The following KIF1A variants were observed in gnomAD, a reference collection of about 807,000 sequenced individuals.
KIF1A encodes the protein kinesin-like protein KIF1A.
Under a neutral mutation model 227.3 loss-of-function variants are expected in KIF1A, and 46 were observed. The observed-to-expected ratio is 0.20, with a 90% CI of 0.16 to 0.26. The LOEUF is 0.26. Among genes scored for constraint, KIF1A ranks in the 10% least tolerant of loss-of-function variants. The pLI is 1.00. For synonymous variants in KIF1A, 1,022 were observed against 1,012.8 expected, an observed-to-expected ratio of 1.01 and a Z score of -0.17; for missense variants, 1,683 against 2,485.9, an observed-to-expected ratio of 0.68 and a Z score of 6.87.
intron 20 of KIF1A, among the ~76,000 whole-genome samples, chr2:240,764,790 T>C (rs11690229): frequency 0.26 from 38,955 of 151,898 alleles, 5,461 homozygotes; most frequent in African/African-American, 0.36. Flanking sequence ...CCCCCAACGG[T>C]GGGGTGGGCC....
At chr2:240,735,832 C>T (rs371304856) in intron 38 of KIF1A, among the ~76,000 whole-genome samples, 79 of 152,254 alleles carry the variant, frequency 5.2e-4, no homozygotes, top group African/African-American at 9.4e-4. Context: ...CGTGCTCCCC[C>T]CTCATGGCAC....
chr2:240,789,196 C>T lies in KIF1A; in HGVS notation c.183+40G>A, dbSNP rs891223448. Reference sequence around the variant, plus strand: ...CCCCGAGGGCCACATGGCCTATGCACTGCTGCCCCCGCCTCCCCCGACCCG... The same window carrying T: ...CCCCGAGGGCCACATGGCCTATGCATTGCTGCCCCCGCCTCCCCCGACCCG... On this transcript the variant is annotated intron_variant, in intron 3 of 48. Transcript: ENST00000498729. The surrounding 1 kb of genome is among the most constrained non-coding windows in gnomAD (Gnocchi z 4.8). 1.3e-6 allele frequency: 2 copies of T among 1,545,732 alleles called. No individual in the cohort carries two copies. The highest frequency in any genetic ancestry group is 2.7e-5 in the African/African-American group (2 of 73,370).
In KIF1A at chr2:240,740,023, C is replaced by T. The variant is rs1280510913; in HGVS notation, c.3901+35G>A. ...CCTGTACTCTTCCCACCAGCTCAGC[C>T]CCACCCACCAAGGCAGCCCCCACAC... is the stretch of plus-strand genomic sequence containing the variant. On this transcript the variant is annotated intron_variant, in intron 37 of 48. Coordinates refer to ENST00000498729, the MANE Select transcript of KIF1A (RefSeq NM_001244008.2). The surrounding 1 kb of genome is among the most constrained non-coding windows in gnomAD (Gnocchi z 6.1). The T allele has an allele frequency of 2.0e-6, 3 of 1,531,604 alleles. No individual in the cohort carries two copies. The highest frequency in any genetic ancestry group is 2.8e-5 in the African/African-American group (2 of 72,542). 94.9% of individuals were successfully genotyped at this position (1,531,604 alleles called of 1,614,324 possible).
At position 240,737,120 on chromosome 2, in the gene KIF1A, T is replaced by C. The variant is rs374267267; in HGVS notation, c.3950A>G (p.Asn1317Ser). ...PETDESLIDP[N>S]ILSLNILSSG... ...AGAGAGGATGTTGAGAGACAAGATG[T>C]TGGGGTCGATCAGGGACTCGTCGGT... Residue 1317 changes from asparagine (N) to serine (S), a missense_variant, in exon 38 of 49, where the codon AAC becomes AGC. Asn to Ser is a conservative substitution (Grantham distance 46). Around this residue, in one of 12 missense-constraint regions of KIF1A, gnomAD observed 759 missense variants for 1,020.2 expected, o/e 0.74. Coordinates refer to ENST00000498729, the MANE Select transcript of KIF1A (RefSeq NM_001244008.2). 26 of 1,613,390 alleles carry C rather than the reference T, an allele frequency of 1.6e-5. No individual in the cohort carries two copies. Among genetic ancestry groups the C allele is most frequent in the Non-Finnish European group, 2.0e-5 (24 of 1,179,652 alleles).
intron 27 of KIF1A, among the ~76,000 whole-genome samples, chr2:240,756,713 C>T (rs897931872): frequency 2.6e-5 from 4 of 152,250 alleles, no homozygotes; most frequent in Admixed American, 2.6e-4. Flanking sequence ...CTGCCTCCCA[C>T]TCCTAAAAGT....
At chr2:240,771,742 GC>G (rs1372377390) in intron 14 of KIF1A, among the ~76,000 whole-genome samples, 1 of 152,150 alleles carries the variant, frequency 6.6e-6, no homozygotes, top group East Asian at 1.9e-4. Context: ...ATGGAAATTG[GC>G]CCAGAGACCA....
rs375486013 is a variant in KIF1A, at chr2:240,783,844, G to T, written c.721-28C>A. On this transcript the variant is annotated intron_variant, in intron 7 of 48. Coordinates refer to ENST00000498729, the MANE Select transcript of KIF1A (RefSeq NM_001244008.2). ...GAAACAGTAGATACATCACATGCAG[G>T]AAAGGCCACAAGATGCGCGGGGGCA... The T allele has an allele frequency of 1.2e-4, 193 of 1,546,498 alleles. 1 individual carries two copies. Among genetic ancestry groups the T allele is most frequent in the Non-Finnish European group, 1.5e-4 (172 of 1,135,192 alleles).
At chr2:240,802,253 G>C (rs562641607) in intron 1 of KIF1A, among the ~76,000 whole-genome samples, 2 of 152,270 alleles carry the variant, frequency 1.3e-5, no homozygotes, top group African/African-American at 4.8e-5. Context: ...CGATTGTCAA[G>C]GATACATGTT....
chr2:240,737,017 C>T (rs377537089), intron 38 of KIF1A, 46 bp downstream of exon 38: 2 of 1,499,160 alleles, frequency 1.3e-6, no homozygotes, highest in South Asian at 1.1e-5. Flanking sequence ...GCCTGGCAGG[C>T]TGGGAACATG....
rs1042778415 is a variant in KIF1A at position 240,757,473 on chromosome 2, C to T, written c.2704G>A (p.Glu902Lys). ...TCCTCCTCCCCCACGCTCTGCTCCT[C>T]GGCAGGCTCGGTGGCGTCGGAGTCG... ...SPDSDATEPAEEQSVGEEEEE... is the reference protein window; with the variant it reads ...SPDSDATEPAKEQSVGEEEEE... The change falls in exon 27 of 49, where the codon GAG (glutamate) becomes AAG (lysine). Residue 902 changes from glutamate (E) to lysine (K), a missense_variant. Physicochemically the swap from Glu to Lys is moderately conservative, Grantham distance 56. This residue lies in a region of KIF1A where 759 missense variants were observed against 1,020.2 expected (regional missense o/e 0.74). Transcript: ENST00000498729. This position sits in a 1 kb window ranked among gnomAD's most constrained non-coding sequence, Gnocchi z 6.2. The T allele has an allele frequency of 1.0e-5, 16 of 1,550,354 alleles. No homozygotes were observed. The highest frequency in any genetic ancestry group is 1.4e-5 in the Non-Finnish European group (16 of 1,147,016).
Position 240,776,490 on chromosome 2 carries a change from G to A in KIF1A, c.883-564C>T, listed in dbSNP as rs531436986. Among the ~76,000 whole-genome samples the A allele has an allele frequency of 2.0e-5, 3 of 152,112 alleles. No individual in the cohort carries two copies. In the East Asian group the frequency reaches 5.8e-4, roughly 30 times the overall value. ...GCCAGCTCACAAGCTTTCCTCTAAC[G>A]GCCTGTTCTCCCATCCCTCCCCTCA... On this transcript the variant is annotated intron_variant, in intron 10 of 48. Transcript: ENST00000498729.
chr2:240,738,141 C>T (rs1179319363), intron 37 of KIF1A, among the ~76,000 whole-genome samples: 8 of 152,320 alleles, frequency 5.3e-5, no homozygotes, highest in Middle Eastern at 3.4e-3. Context: ...TCTCAGCCCT[C>T]GGGGAGGGGA....
At position 240,816,065 on chromosome 2, in the gene KIF1A, G is replaced by A. The variant is rs111702918; in HGVS notation, c.-61+4057C>T. On this transcript the variant is annotated intron_variant, in intron 1 of 48. Coordinates refer to ENST00000498729, the MANE Select transcript of KIF1A (RefSeq NM_001244008.2). ...TCATGGCAGAGGCAGCATTTGAGGG[G>A]GACCTAAAACCTAATGTGGAGGTTG... 1.1e-3 allele frequency among the ~76,000 whole-genome samples: 168 copies of A among 152,184 alleles called. 1 individual carries two copies. Among genetic ancestry groups the A allele is most frequent in the African/African-American group, 4.0e-3 (166 of 41,494 alleles).
At chr2:240,762,618 C>T in intron 23 of KIF1A, 101 bp downstream of exon 23, 1 of 1,393,132 alleles carries the variant, frequency 7.2e-7, no homozygotes. Flanking sequence ...GACCCCAGGG[C>T]AAAAGTGCTG....
chr2:240,765,029 T>C (rs2050989258), intron 20 of KIF1A, among the ~76,000 whole-genome samples: 1 of 152,202 alleles, frequency 6.6e-6, no homozygotes, highest in African/African-American at 2.4e-5. Context: ...TAAATCTCTT[T>C]ATACCTAGAC....
chr2:240,770,372 G>A (rs907731645), intron 15 of KIF1A, among the ~76,000 whole-genome samples: 1 of 152,240 alleles, frequency 6.6e-6, no homozygotes, highest in Non-Finnish European at 1.5e-5. Flanking sequence ...GTGTGCAGGT[G>A]TGAACACAGG....
chr2:240,729,584 A>G (rs898257742), intron 38 of KIF1A, among the ~76,000 whole-genome samples: 5 of 152,234 alleles, frequency 3.3e-5, no homozygotes, highest in Non-Finnish European at 5.9e-5. Context: ...CCTTAGGAGC[A>G]AGTGGACTCT....
rs548783250 is a variant in KIF1A, at chr2:240,736,826, G to A, written c.4007+237C>T. Among the ~76,000 whole-genome samples, 136 of 152,306 alleles carry A rather than the reference G, an allele frequency of 8.9e-4. 1 individual carries two copies. Among genetic ancestry groups the A allele is most frequent in the Middle Eastern group, 3.4e-3 (1 of 294 alleles). ...ACCCCTGCGCTGGCCCCTCTGCTTG[G>A]TGATAAACAAATGGGCATGGGGATG... On this transcript the variant is annotated intron_variant, in intron 38 of 48. Coordinates refer to ENST00000498729, the MANE Select transcript of KIF1A (RefSeq NM_001244008.2). This position sits in a 1 kb window ranked among gnomAD's most constrained non-coding sequence, Gnocchi z 4.7.
At chr2:240,748,128 G>T (rs1438061224) in intron 28 of KIF1A, among the ~76,000 whole-genome samples, 1 of 152,214 alleles carries the variant, frequency 6.6e-6, no homozygotes, top group African/African-American at 2.4e-5. Context: ...GCCCAGGATA[G>T]GAGCACTTCC....
Sources: allele counts gnomAD v4.1 joint callset (sites outside exome capture counted in the v4.1 genomes callset), GRCh38; gene constraint gnomAD v4.1.1; regional missense constraint gnomAD v4.1.1; non-coding constraint Gnocchi (gnomAD v3.1); transcripts MANE v1.5; gene names NCBI Gene and HGNC (gene_info 2026-07-23, HGNC 2026-07-21).